The following OXCT1 variants were observed in gnomAD, a reference collection of about 807,000 sequenced individuals.
The protein encoded by OXCT1 is succinyl-CoA:3-ketoacid coenzyme A transferase 1, mitochondrial.
OXCT1 carries 27 observed loss-of-function variants against 69.6 expected under a neutral mutation model. That is an observed-to-expected ratio of 0.39 (90% CI 0.29 to 0.54). OXCT1 has a LOEUF of 0.54. Ranked by LOEUF, OXCT1 falls within the 20% of genes least tolerant of loss-of-function variation. The pLI is 0.72. For missense variants in OXCT1, 437 were observed against 650.2 expected (o/e 0.67, Z 3.57); for synonymous variants, 202 against 217.8 (o/e 0.93, Z 0.64).
chr5:41,814,747 G>T, intron 7 of OXCT1, among the ~76,000 whole-genome samples: 1 of 110,982 alleles, frequency 9.0e-6, no homozygotes, highest in African/African-American at 3.5e-5. Flanking sequence ...AGGGGGGAGG[G>T]ATAGCATTGG....
At position 41,870,346 on chromosome 5, in the gene OXCT1, T is replaced by C. The variant is rs1421676841; in HGVS notation, c.13A>G (p.Lys5Glu). 6.2e-7 allele frequency: 1 copy of C among 1,613,394 alleles called. No homozygotes were observed. Among genetic ancestry groups the C allele is most frequent in the Non-Finnish European group, 8.5e-7 (1 of 1,179,822 alleles). Residue 5 changes from lysine (K) to glutamate (E), a missense_variant, in exon 1 of 17, where the codon AAA becomes GAA. By Grantham distance (56) the Lys-to-Glu change is moderately conservative. Coordinates refer to ENST00000196371, the MANE Select transcript of OXCT1 (RefSeq NM_000436.4). This position sits in a 1 kb window ranked among gnomAD's most constrained non-coding sequence, Gnocchi z 4.2. Reference sequence around the variant, plus strand: ...AGCCGAAGCCCGGAGGAGAGGAGTTTGAGAGCCGCCATCTTCGGGCGGTGA... The same window carrying C: ...AGCCGAAGCCCGGAGGAGAGGAGTTCGAGAGCCGCCATCTTCGGGCGGTGA... MAAL[K>E]LLSSGLRLCA... is the part of the protein sequence containing the mutation.
intron 10 of OXCT1, among the ~76,000 whole-genome samples, chr5:41,801,946 ATTTTTACATACTTTC>A (rs1286255262): frequency 2.6e-5 from 4 of 152,048 alleles, no homozygotes; most frequent in Non-Finnish European, 5.9e-5. Context: ...TGGCTGTGAA[ATTTTTACATACTTTC>A]TAGAGAGGGA....
intron 15 of OXCT1, among the ~76,000 whole-genome samples, chr5:41,747,293 T>A (rs1346881352): frequency 2.6e-5 from 4 of 152,076 alleles, no homozygotes; most frequent in African/African-American, 4.8e-5. Context: ...TCTTCATACC[T>A]CTGTGACTAC....
intron 2 of OXCT1, 52 bp from the exon 3 acceptor site, chr5:41,861,456 T>C (rs538248956): frequency 2.0e-6 from 2 of 1,011,626 alleles, no homozygotes; most frequent in Non-Finnish European, 3.2e-6. Flanking sequence ...ACAATGTTCT[T>C]TCAGAGAAGT....
chr5:41,849,223 C>T (rs566667409), intron 5 of OXCT1, among the ~76,000 whole-genome samples: 80 of 152,288 alleles, frequency 5.3e-4, no homozygotes, highest in African/African-American at 1.9e-3. Flanking sequence ...GGGAGGGGCA[C>T]AGCCAGCATC....
intron 4 of OXCT1, among the ~76,000 whole-genome samples, chr5:41,851,552 C>T (rs900396291): frequency 6.6e-6 from 1 of 152,074 alleles, no homozygotes; most frequent in Non-Finnish European, 1.5e-5. Context: ...GTAGGTGCCA[C>T]CAGCTCCTTA....
chr5:41,831,220 T>C (rs1443029068), intron 7 of OXCT1, among the ~76,000 whole-genome samples: 2 of 152,164 alleles, frequency 1.3e-5, no homozygotes, highest in Non-Finnish European at 2.9e-5. Flanking sequence ...ATGAAAAAAG[T>C]TTGTCATCCC....
intron 13 of OXCT1, among the ~76,000 whole-genome samples, chr5:41,772,298 G>A (rs1744905093): frequency 6.6e-6 from 1 of 151,142 alleles, no homozygotes; most frequent in Non-Finnish European, 1.5e-5. Flanking sequence ...AAAGCTCTAA[G>A]AGCACAATTA....
chr5:41,802,959 C>CT, intron 10 of OXCT1, 110 bp downstream of exon 10: 1 of 776,312 alleles, frequency 1.3e-6, no homozygotes, highest in Non-Finnish European at 2.2e-6. Flanking sequence ...CCAAAAATCA[C>CT]TTGCACCCTA....
At chr5:41,811,494 T>C (rs1746984854) in intron 7 of OXCT1, among the ~76,000 whole-genome samples, 1 of 152,012 alleles carries the variant, frequency 6.6e-6, no homozygotes, top group Non-Finnish European at 1.5e-5. Context: ...GAGGTCAGCA[T>C]GTAAGGCATC....
chr5:41,738,829 C>T lies in OXCT1; in HGVS notation c.1521+561G>A, dbSNP rs112492211. 7.9e-3 allele frequency among the ~76,000 whole-genome samples: 1,208 copies of T among 152,262 alleles called. 17 individuals are homozygous for T. Among genetic ancestry groups the T allele is most frequent in the African/African-American group, 0.028 (1,145 of 41,552 alleles). ...GTTTCTTAAACGGATACTCCCCTGA[C>T]GTATTTATCTGCTTTGTAAGTCTGT... is the stretch of plus-strand genomic sequence containing the variant. On this transcript the variant is annotated intron_variant, in intron 16 of 16. Coordinates refer to ENST00000196371, the MANE Select transcript of OXCT1 (RefSeq NM_000436.4).
chr5:41,772,961 T>C (rs1239913269), intron 13 of OXCT1, among the ~76,000 whole-genome samples: 1 of 152,202 alleles, frequency 6.6e-6, no homozygotes, highest in Non-Finnish European at 1.5e-5. Flanking sequence ...CTTGTGAGAA[T>C]GACCCATCTC....
intron 3 of OXCT1, among the ~76,000 whole-genome samples, chr5:41,855,149 T>G (rs1462592963): frequency 6.6e-6 from 1 of 152,218 alleles, no homozygotes; most frequent in African/African-American, 2.4e-5. Context: ...AATGTTGAGC[T>G]AAAGCCAGAC....
At chr5:41,796,490 T>G (rs993876141) in intron 11 of OXCT1, among the ~76,000 whole-genome samples, 11 of 152,204 alleles carry the variant, frequency 7.2e-5, no homozygotes, top group African/African-American at 2.7e-4. Context: ...TCCCTAGCTG[T>G]GCAACACAGT....
rs145658989 is a variant in OXCT1, at chr5:41,740,273, G to C, written c.1420-782C>G. ...TACAGGAAACAGAAGAAGGTGCTCT[G>C]AAGTGTCTAGGAGTAATTATAAGAG... On this transcript the variant is annotated intron_variant, in intron 15 of 16. Coordinates refer to ENST00000196371, the MANE Select transcript of OXCT1 (RefSeq NM_000436.4). 1.4e-3 allele frequency among the ~76,000 whole-genome samples: 213 copies of C among 152,334 alleles called. 1 individual carries two copies. The highest frequency in any genetic ancestry group is 5.0e-3 in the African/African-American group (207 of 41,570).
chr5:41,855,555 A>G (rs1749389752), intron 3 of OXCT1, among the ~76,000 whole-genome samples: 1 of 151,916 alleles, frequency 6.6e-6, no homozygotes, highest in Non-Finnish European at 1.5e-5. Flanking sequence ...TTCCCTACAG[A>G]GCTTGTGTCA....
At position 41,762,241 on chromosome 5, in the gene OXCT1, T is replaced by G. The variant is rs1369651458; in HGVS notation, c.1249-41A>C. On this transcript the variant is annotated intron_variant, in intron 13 of 16. Coordinates refer to ENST00000196371, the MANE Select transcript of OXCT1 (RefSeq NM_000436.4). The surrounding 1 kb of genome is among the most constrained non-coding windows in gnomAD (Gnocchi z 4.0). The stretch of plus-strand genomic sequence containing the variant: ...TAAATAGCTCTGTATCTTTCACTTC[T>G]TTTGTATGTGACAGAACAAAATTAA... 4 of 1,437,652 alleles carry G rather than the reference T, an allele frequency of 2.8e-6. No homozygotes were observed. Among genetic ancestry groups the G allele is most frequent in the Non-Finnish European group, 3.9e-6 (4 of 1,019,168 alleles). 89.1% of individuals were successfully genotyped at this position (1,437,652 alleles called of 1,614,324 possible).
At chr5:41,803,800 G>A (rs1746536758) in intron 9 of OXCT1, among the ~76,000 whole-genome samples, 1 of 152,016 alleles carries the variant, frequency 6.6e-6, no homozygotes. Context: ...GTTAAATGAG[G>A]TTGTTGAATT....
chr5:41,794,512 C>T (rs905057642), intron 12 of OXCT1, 165 bp downstream of exon 12: 14 of 668,778 alleles, frequency 2.1e-5, no homozygotes, highest in Non-Finnish European at 3.4e-5. Flanking sequence ...ATATTCAATG[C>T]CCAACATTCG....
Sources: gnomAD v4.1 joint callset for allele counts (sites outside exome capture counted in the v4.1 genomes callset) on GRCh38, gnomAD v4.1.1 for gene constraint, Gnocchi (gnomAD v3.1) non-coding constraint, MANE v1.5 for transcripts, NCBI Gene and HGNC (gene_info 2026-07-23, HGNC 2026-07-21) for gene names.